Variants in NECAP1 observed in about 807,000 individuals in gnomAD.
NECAP1 encodes the protein adaptin ear-binding coat-associated protein 1.
In NECAP1, 13 loss-of-function variants were observed where a neutral mutation model predicts 33.4. The ratio of observed to expected loss-of-function variants is 0.39; its 90% CI spans 0.25 to 0.62. The LOEUF (loss-of-function observed/expected upper bound fraction) is 0.62, where lower values mean the gene tolerates loss of function less well. Ranked by LOEUF, NECAP1 falls within the 20% of genes least tolerant of loss-of-function variation. The pLI, the probability that NECAP1 is intolerant of heterozygous loss-of-function variation, is 0.52. For synonymous variants in NECAP1, 109 were observed against 125.2 expected (o/e 0.87, Z 0.86); for missense variants, 272 against 347.4 (o/e 0.78, Z 1.73).
chr12:8,096,078 G>A lies in NECAP1; in HGVS notation c.816G>A (p.Trp272Ter), dbSNP rs375845360. The A allele has an allele frequency of 5.0e-6, 8 of 1,613,946 alleles. No individual in the cohort carries two copies. The highest frequency in any genetic ancestry group is 6.8e-6 in the Non-Finnish European group (8 of 1,180,004). Residue 272 changes from tryptophan (W) to a stop codon, truncating the protein, a stop_gained, in exon 8 of 8, where the codon TGG becomes TGA. Transcript: ENST00000339754. LOFTEE classifies it high-confidence loss of function. The part of the protein sequence containing the change: ...VPNQAPQPSN[W>*]VQF ...ACCAGGCACCACAGCCATCCAACTGGGTCCAGTTCTGAATGGCATTGGCAG... is the reference window on the plus strand; with the variant it reads ...ACCAGGCACCACAGCCATCCAACTGAGTCCAGTTCTGAATGGCATTGGCAG...
chr12:8,087,262 A>T (rs1465902414), intron 1 of NECAP1, among the ~76,000 whole-genome samples: 1 of 126,080 alleles, frequency 7.9e-6, no homozygotes, highest in Non-Finnish European at 1.8e-5. Context: ...GTGGTTTTTT[A>T]TTTATATATA....
Position 8,092,855 on chromosome 12 carries a change from C to G in NECAP1, c.493-17C>G. ...CCTATGACATCTTTCTCTTGCTCTT[C>G]TTTTTTTCTTTTGTAGAACATTACA... On this transcript the variant is annotated splice_polypyrimidine_tract_variant and intron_variant, in intron 5 of 7. Transcript: ENST00000339754. 6.3e-7 allele frequency: 1 copy of G among 1,575,366 alleles called. No homozygotes were observed. Among genetic ancestry groups the G allele is most frequent in the Non-Finnish European group, 8.6e-7 (1 of 1,161,026 alleles).
intron 7 of NECAP1, 100 bp downstream of exon 7, chr12:8,095,803 T>C (rs1947588694): frequency 5.6e-6 from 7 of 1,254,832 alleles, no homozygotes; most frequent in Non-Finnish European, 8.0e-6. Context: ...GATATGCAGG[T>C]CACATAGAGT....
chr12:8,095,745 T>C (rs1342336321), intron 7 of NECAP1, 42 bp downstream of exon 7: 3 of 1,527,290 alleles, frequency 2.0e-6, no homozygotes, highest in Non-Finnish European at 2.7e-6. Flanking sequence ...AATCAGGGTG[T>C]AGGAGATATG....
chr12:8,085,317 C>CCTTTCACTTAATTTTCACGAGAATGGGCA, intron 1 of NECAP1, among the ~76,000 whole-genome samples: 2 of 152,196 alleles, frequency 1.3e-5, no homozygotes, highest in African/African-American at 4.8e-5. Flanking sequence ...CGCACCCGGC[C>CCTTTCACTTAATTTTCACGAGAATGGGCA]TACTTCAAGC....
chr12:8,088,770 T>G (rs993772510), intron 1 of NECAP1: 1 of 152,276 alleles, frequency 6.6e-6, no homozygotes, highest in African/African-American at 2.4e-5. Flanking sequence ...CCACCTTGTC[T>G]CTTCCTCTGT....
rs747851860 is a variant in NECAP1, at chr12:8,091,815, C to T, written c.348C>T (p.Ala116=). ...TTGGCTTCACAGATCGGGGAGATGC[C>T]TTCGACTTTAATGTCTCCTTGCAGG... is the stretch of plus-strand genomic sequence containing the variant. The part of the protein sequence containing the change: ...IGIGFTDRGD[A]FDFNVSLQDH... Residue 116 remains alanine, a synonymous_variant, in exon 4 of 8, where the codon GCC becomes GCT. Transcript: ENST00000339754. 43 of 1,613,974 alleles carry T rather than the reference C, an allele frequency of 2.7e-5. 1 individual carries two copies. In the South Asian group the frequency reaches 4.5e-4, roughly 17 times the overall value.
intron 3 of NECAP1, 193 bp from the exon 4 acceptor site, chr12:8,091,576 C>T: frequency 1.7e-6 from 1 of 585,990 alleles, no homozygotes; most frequent in Non-Finnish European, 3.1e-6. Flanking sequence ...ACTGATCTGA[C>T]AGGAGGCGGA....
At position 8,091,752 on chromosome 12, in the gene NECAP1, TC is replaced by T. The variant is rs1240331981; in HGVS notation, c.302-15del. On this transcript the variant is annotated splice_polypyrimidine_tract_variant and intron_variant, in intron 3 of 7. Coordinates refer to ENST00000339754, the MANE Select transcript of NECAP1 (RefSeq NM_015509.4). ...TAGAGGATACTTCCTAGTCGAGTCTTCCTACGTTTTCCACAGGGCGCAGTGC... is the reference window on the plus strand; with the variant it reads ...TAGAGGATACTTCCTAGTCGAGTCTTCTACGTTTTCCACAGGGCGCAGTGC... The T allele has an allele frequency of 1.9e-6, 3 of 1,613,028 alleles. No homozygotes were observed. Among genetic ancestry groups the T allele is most frequent in the Non-Finnish European group, 2.5e-6 (3 of 1,179,484 alleles).
In NECAP1 at chr12:8,095,674, C is replaced by T; in HGVS notation, c.750C>T (p.Asp250=). 6.2e-7 allele frequency: 1 copy of T among 1,613,830 alleles called. No homozygotes were observed. Among genetic ancestry groups the T allele is most frequent in the Non-Finnish European group, 8.5e-7 (1 of 1,179,752 alleles). The change falls in exon 7 of 8, where the codon GAC becomes GAT. Residue 250 remains aspartate, a synonymous_variant. Coordinates refer to ENST00000339754, the MANE Select transcript of NECAP1 (RefSeq NM_015509.4). ...CAACTCCAGTTTCTGTAAGCAATGA[C>T]TTGTGGGGAGACTTCAGCACTGCCT... is the stretch of plus-strand genomic sequence containing the variant. ...PAPTPVSVSN[D]LWGDFSTASS...
rs192076879 is a variant in NECAP1, at chr12:8,083,414, G to A, written c.95+1031G>A. On this transcript the variant is annotated intron_variant, in intron 1 of 7. Coordinates refer to ENST00000339754, the MANE Select transcript of NECAP1 (RefSeq NM_015509.4). ...AATAAAGCAGTTACAAATACTATTT[G>A]TTTGTTCTTTTTTTTTTTTTTTTTT... Among the ~76,000 whole-genome samples the A allele has an allele frequency of 4.0e-3, 388 of 95,886 alleles. 3 individuals carry two copies. Among genetic ancestry groups the A allele is most frequent in the African/African-American group, 0.013 (355 of 26,750 alleles). The allele number at this position is 95,886 out of a possible 152,430, so 62.9% of individuals were successfully genotyped here.
intron 1 of NECAP1, among the ~76,000 whole-genome samples, chr12:8,083,421 CTTTTTTTTTT>C (rs71042328): frequency 6.1e-5 from 4 of 65,840 alleles, no homozygotes; most frequent in Non-Finnish European, 7.8e-5. Context: ...TTTGTTTGTT[CTTTTTTTTTT>C]TTTTTTTTTT....
rs779218008 is a variant in NECAP1, at chr12:8,082,318, G to A, written c.30G>A (p.Val10=). 2 of 1,613,388 alleles carry A rather than the reference G, an allele frequency of 1.2e-6. No homozygotes were observed. Among genetic ancestry groups the A allele is most frequent in the South Asian group, 1.1e-5 (1 of 91,070 alleles). Residue 10 remains valine, a synonymous_variant, in exon 1 of 8, where the codon GTG becomes GTA. Transcript: ENST00000339754. MATELEYES[V]LCVKPDVSVY... ...CGACCGAGTTGGAGTACGAGTCTGT[G>A]CTGTGTGTGAAGCCAGACGTCAGCG...
intron 4 of NECAP1, 86 bp from the exon 5 acceptor site, chr12:8,092,590 T>A: frequency 1.1e-6 from 1 of 931,750 alleles, no homozygotes; most frequent in Non-Finnish European, 1.6e-6. Flanking sequence ...GAATCTCATT[T>A]CATAAAAGTA....
chr12:8,084,830 G>C (rs1030724530), intron 1 of NECAP1, among the ~76,000 whole-genome samples: 5 of 152,054 alleles, frequency 3.3e-5, no homozygotes, highest in Non-Finnish European at 7.3e-5. Flanking sequence ...ACAGTATCTG[G>C]TACACTTTGG....
chr12:8,096,096 A>G lies in NECAP1; in HGVS notation c.*6A>G, dbSNP rs751914345. On this transcript the variant is annotated 3_prime_UTR_variant, in exon 8 of 8. Coordinates refer to ENST00000339754, the MANE Select transcript of NECAP1 (RefSeq NM_015509.4). ...CCAACTGGGTCCAGTTCTGAATGGC[A>G]TTGGCAGGACATTAAGGACAGACTT... 6 of 1,613,920 alleles carry G rather than the reference A, an allele frequency of 3.7e-6. No homozygotes were observed. In the Admixed American group the frequency reaches 1.0e-4, roughly 27 times the overall value.
chr12:8,090,490 G>A (rs1474462452), intron 3 of NECAP1, 191 bp downstream of exon 3: 2 of 570,812 alleles, frequency 3.5e-6, no homozygotes, highest in Non-Finnish European at 6.3e-6. Flanking sequence ...ACGAGTTCAA[G>A]ATGTGGTAAT....
chr12:8,084,629 G>A (rs1470140227), intron 1 of NECAP1, among the ~76,000 whole-genome samples: 1 of 151,952 alleles, frequency 6.6e-6, no homozygotes, highest in Non-Finnish European at 1.5e-5. Context: ...CCACTTGTGA[G>A]TGAGAACATG....
rs1455714198 is a variant in NECAP1, at chr12:8,097,295, A to T, written c.*1205A>T. 1.3e-5 allele frequency: 2 copies of T among 152,590 alleles called. No homozygotes were observed. Among genetic ancestry groups the T allele is most frequent in the Non-Finnish European group, 2.9e-5 (2 of 68,028 alleles). The allele number at this position is 152,590 out of a possible 1,614,324, so 9.5% of individuals were successfully genotyped here. A position where few individuals can be genotyped will look rare whatever the true frequency, so the allele number is the denominator to read the frequency against. ...TGCTGTGAAAAAAGTTCTGCTTCTT[A>T]GGTGAATGGGTACTTTCTATTTTGT... On this transcript the variant is annotated 3_prime_UTR_variant, in exon 8 of 8. Coordinates refer to ENST00000339754, the MANE Select transcript of NECAP1 (RefSeq NM_015509.4).
Sources: gnomAD v4.1 joint callset for allele counts (sites outside exome capture counted in the v4.1 genomes callset) on GRCh38, gnomAD v4.1.1 for gene constraint, MANE v1.5 for transcripts, NCBI Gene and HGNC (gene_info 2026-07-23, HGNC 2026-07-21) for gene names.